HLCS: variants seen among roughly 807,000 people sequenced by gnomAD.
The protein encoded by HLCS is holocarboxylase synthetase.
A neutral mutation model predicts 75.0 loss-of-function variants in HLCS; 53 were observed. The ratio of observed to expected loss-of-function variants is 0.71; its 90% CI spans 0.57 to 0.89. HLCS has a LOEUF of 0.89. HLCS is among the 40% of genes least tolerant of loss of function. The probability of loss-of-function intolerance (pLI) is 0.00; values close to 1 mark genes in which losing one functional copy is unlikely to be tolerated. For missense variants in HLCS, 966 were observed against 1,074.0 expected (o/e 0.90, Z 1.41); for synonymous variants, 431 against 428.6 (o/e 1.01, Z -0.07).
At chr21:36,922,446 T>C (rs2066212180) in intron 5 of HLCS, among the ~76,000 whole-genome samples, 1 of 152,188 alleles carries the variant, frequency 6.6e-6, no homozygotes, top group African/African-American at 2.4e-5. Context: ...GGAAACATGG[T>C]AGTACCTGGA....
chr21:36,866,751 T>C (rs2063569988), intron 6 of HLCS, among the ~76,000 whole-genome samples: 1 of 152,190 alleles, frequency 6.6e-6, no homozygotes, highest in Non-Finnish European at 1.5e-5. Flanking sequence ...CAACCACAGA[T>C]TTTAAATTGA....
At chr21:36,792,419 C>G (rs74930175) in intron 6 of HLCS, among the ~76,000 whole-genome samples, 2,532 of 147,794 alleles carry the variant, frequency 0.017, 71 homozygotes, top group African/African-American at 0.061. Context: ...ATGGCTCTTT[C>G]CTTCGATTTA....
rs111857311 is a variant in HLCS, at chr21:36,826,027, ATT to A, written c.1893-58744_1893-58743del. Among the ~76,000 whole-genome samples, 267 of 146,836 alleles carry A rather than the reference ATT, an allele frequency of 1.8e-3. 1 individual carries two copies. In the South Asian group the frequency reaches 0.019, roughly 11 times the overall value. On this transcript the variant is annotated intron_variant, in intron 6 of 10. Coordinates refer to ENST00000674895, the MANE Select transcript of HLCS (RefSeq NM_001352514.2). ...GTACAAGGAATTAGAGTAAGAAGTTATTTTTTTTTTTTAATTAGAAACAAATG... is the reference window on the plus strand; with the variant it reads ...GTACAAGGAATTAGAGTAAGAAGTTATTTTTTTTTTAATTAGAAACAAATG...
chr21:36,975,032 C>T (rs1157705174), intron 1 of HLCS: 1 of 152,198 alleles, frequency 6.6e-6, no homozygotes, highest in Non-Finnish European at 1.5e-5. Flanking sequence ...CAGTGACGCT[C>T]AGTCCTCATG....
chr21:36,750,527 G>A lies in HLCS; in HGVS notation c.*3719C>T, dbSNP rs763957681. On this transcript the variant is annotated 3_prime_UTR_variant, in exon 11 of 11. Coordinates refer to ENST00000674895, the MANE Select transcript of HLCS (RefSeq NM_001352514.2). Reference sequence around the variant, plus strand: ...TAAAAGTCCTATCAGCCCTGCCTTCGTCCCTTCCGCCCTAAGCCCTAAGAG... The same window carrying A: ...TAAAAGTCCTATCAGCCCTGCCTTCATCCCTTCCGCCCTAAGCCCTAAGAG... Among the ~76,000 whole-genome samples, 2 of 152,070 alleles carry A rather than the reference G, an allele frequency of 1.3e-5. No individual in the cohort carries two copies. Among genetic ancestry groups the A allele is most frequent in the Non-Finnish European group, 2.9e-5 (2 of 68,008 alleles).
intron 6 of HLCS, among the ~76,000 whole-genome samples, chr21:36,784,757 A>G (rs746328080): frequency 2.0e-5 from 3 of 152,154 alleles, no homozygotes; most frequent in Admixed American, 6.5e-5. Context: ...GAACTGAAAC[A>G]GAGTCACCTT....
intron 6 of HLCS, among the ~76,000 whole-genome samples, chr21:36,779,181 C>T (rs566892784): frequency 1.8e-4 from 28 of 152,188 alleles, no homozygotes; most frequent in African/African-American, 6.3e-4. Flanking sequence ...ATGGGTTTCA[C>T]ATCCCATGAA....
intron 5 of HLCS, among the ~76,000 whole-genome samples, chr21:36,912,764 C>A (rs1045572616): frequency 9.2e-5 from 14 of 152,228 alleles, no homozygotes; most frequent in African/African-American, 7.2e-5. Context: ...AGCCACCCCC[C>A]CCAACCCCTG....
In HLCS at chr21:36,981,856, A is replaced by G. The variant is rs143596251; in HGVS notation, c.-393+8302T>C. Among the ~76,000 whole-genome samples the G allele has an allele frequency of 1.7e-3, 252 of 152,252 alleles. 2 individuals are homozygous for G. The highest frequency in any genetic ancestry group is 5.9e-3 in the African/African-American group (244 of 41,562). The stretch of plus-strand genomic sequence containing the variant: ...CCTTCTCAGTTTAGGGGAATGGGGG[A>G]ATTCTTTAATCTGTGGTGGGACACA... On this transcript the variant is annotated intron_variant, in intron 1 of 11. Transcript: ENST00000336648.
chr21:36,778,865 A>T (rs374950358), intron 6 of HLCS, among the ~76,000 whole-genome samples: 64 of 152,272 alleles, frequency 4.2e-4, no homozygotes, highest in African/African-American at 1.5e-3. Flanking sequence ...TGTCCCAGTC[A>T]TCTTTCAGCA....
upstream of HLCS, among the ~76,000 whole-genome samples, chr21:36,970,863 G>A (rs551082623): frequency 4.7e-4 from 72 of 151,942 alleles, no homozygotes; most frequent in Middle Eastern, 3.4e-3. Context: ...GCGTGGTGGC[G>A]GGCGCCTGTA....
At chr21:36,815,249 G>A (rs531158236) in intron 6 of HLCS, among the ~76,000 whole-genome samples, 22 of 152,126 alleles carry the variant, frequency 1.4e-4, no homozygotes, top group African/African-American at 4.8e-4. Context: ...TGCTGGTCTC[G>A]AACTCCAGAC....
chr21:36,882,208 G>C (rs2064251319), intron 6 of HLCS, among the ~76,000 whole-genome samples: 1 of 151,966 alleles, frequency 6.6e-6, no homozygotes, highest in Non-Finnish European at 1.5e-5. Context: ...CATGAACCCG[G>C]AAGGCGGAGC....
chr21:36,917,535 C>T (rs1203289158), intron 5 of HLCS, among the ~76,000 whole-genome samples: 1 of 152,186 alleles, frequency 6.6e-6, no homozygotes, highest in African/African-American at 2.4e-5. Context: ...ATGAAAAACA[C>T]ACAAGTCTTA....
intron 6 of HLCS, among the ~76,000 whole-genome samples, chr21:36,772,957 G>A (rs1245646527): frequency 6.9e-6 from 1 of 145,866 alleles, no homozygotes; most frequent in South Asian, 2.2e-4. Flanking sequence ...CTCCAGCCAG[G>A]TGACAGAACA....
At chr21:36,916,071 G>T (rs2065914245) in intron 5 of HLCS, among the ~76,000 whole-genome samples, 1 of 152,158 alleles carries the variant, frequency 6.6e-6, no homozygotes, top group African/African-American at 2.4e-5. Flanking sequence ...AAATCAGCTT[G>T]CATGACAGTT....
chr21:36,826,008 G>A (rs1005463069), intron 6 of HLCS, among the ~76,000 whole-genome samples: 4 of 151,776 alleles, frequency 2.6e-5, no homozygotes, highest in Non-Finnish European at 5.9e-5. Context: ...CTGGGTACAA[G>A]GAATTAGAGT....
chr21:36,906,100 A>G (rs894106384), intron 5 of HLCS, among the ~76,000 whole-genome samples: 8 of 152,112 alleles, frequency 5.3e-5, no homozygotes, highest in South Asian at 2.1e-4. Context: ...ATATACTAAC[A>G]ATAAATATTT....
chr21:36,946,327 G>A (rs1007110302), intron 2 of HLCS, among the ~76,000 whole-genome samples: 2 of 151,760 alleles, frequency 1.3e-5, no homozygotes, highest in Admixed American at 6.6e-5. Flanking sequence ...TTGCAGCCTC[G>A]ACTTCCTGGG....
Sources: allele counts gnomAD v4.1 joint callset (sites outside exome capture counted in the v4.1 genomes callset), GRCh38; gene constraint gnomAD v4.1.1; transcripts MANE v1.5; gene names NCBI Gene and HGNC (gene_info 2026-07-23, HGNC 2026-07-21).